Variants in CDH10 observed in about 807,000 individuals in gnomAD.
CDH10 encodes cadherin-10.
A neutral mutation model predicts 73.1 loss-of-function variants in CDH10; 30 were observed. That is an observed-to-expected ratio of 0.41 (90% CI 0.31 to 0.56). The LOEUF is 0.56. Ranked by LOEUF, CDH10 falls within the 20% of genes least tolerant of loss-of-function variation. The probability of loss-of-function intolerance (pLI) is 0.27; values close to 1 mark genes in which losing one functional copy is unlikely to be tolerated. For missense variants in CDH10, 815 were observed against 973.7 expected, an observed-to-expected ratio of 0.84 and a Z score of 2.17; for synonymous variants, 345 against 348.2, an observed-to-expected ratio of 0.99 and a Z score of 0.10.
chr5:24,489,764 A>C (rs1180773644), intron 11 of CDH10, among the ~76,000 whole-genome samples: 1 of 152,092 alleles, frequency 6.6e-6, no homozygotes, highest in Non-Finnish European at 1.5e-5. Context: ...TGACTATAAA[A>C]TGAATTATCA....
chr5:24,624,497 T>C (rs1251208152), intron 1 of CDH10, among the ~76,000 whole-genome samples: 2 of 152,170 alleles, frequency 1.3e-5, no homozygotes, highest in African/African-American at 2.4e-5. Flanking sequence ...TGGTGATCTC[T>C]AGGTCCTAGA....
intron 2 of CDH10, among the ~76,000 whole-genome samples, chr5:24,577,073 AT>A (rs1251275901): frequency 3.5e-4 from 7 of 20,044 alleles, no homozygotes; most frequent in South Asian, 0.01. Context: ...CGTCAAAGTT[AT>A]TTAAAAAAAA....
chr5:24,512,781 A>C (rs904290614), intron 5 of CDH10, among the ~76,000 whole-genome samples: 1 of 152,206 alleles, frequency 6.6e-6, no homozygotes, highest in South Asian at 2.1e-4. Context: ...CTCTGATTAT[A>C]GCACCTTCTT....
At chr5:24,521,522 G>A (rs2111816284) in intron 5 of CDH10, among the ~76,000 whole-genome samples, 1 of 152,210 alleles carries the variant, frequency 6.6e-6, no homozygotes, top group Non-Finnish European at 1.5e-5. Context: ...GAGGAGAAGA[G>A]AATCGCTTGA....
intron 1 of CDH10, among the ~76,000 whole-genome samples, chr5:24,616,413 G>A (rs982408981): frequency 1.3e-5 from 2 of 152,070 alleles, no homozygotes; most frequent in Non-Finnish European, 2.9e-5. Flanking sequence ...TTCTACACTT[G>A]GGGGTCGGAT....
At chr5:24,604,173 A>AC (rs1412552373) in intron 1 of CDH10, among the ~76,000 whole-genome samples, 3 of 152,002 alleles carry the variant, frequency 2.0e-5, no homozygotes, top group Admixed American at 1.3e-4. Flanking sequence ...ACATAGTGAG[A>AC]CCCCATATCT....
intron 1 of CDH10, among the ~76,000 whole-genome samples, chr5:24,594,422 A>G (rs1005769103): frequency 6.7e-6 from 1 of 148,300 alleles, no homozygotes; most frequent in Non-Finnish European, 1.5e-5. Context: ...AATTTAAGTC[A>G]GATCATGTCA....
chr5:24,525,322 A>G (rs1743490512), intron 5 of CDH10, among the ~76,000 whole-genome samples: 1 of 152,098 alleles, frequency 6.6e-6, no homozygotes, highest in Non-Finnish European at 1.5e-5. Flanking sequence ...TCCAGAGTTG[A>G]GATGAAAAAG....
intron 8 of CDH10, chr5:24,499,277 T>C (rs1343649819): frequency 6.6e-6 from 1 of 152,664 alleles, no homozygotes; most frequent in African/African-American, 2.4e-5. Context: ...TAGCTCAATT[T>C]TGCATTACAA....
intron 1 of CDH10, among the ~76,000 whole-genome samples, chr5:24,607,072 C>T (rs998243171): frequency 6.6e-6 from 1 of 152,066 alleles, no homozygotes; most frequent in African/African-American, 2.4e-5. Context: ...CTCAGCTTGG[C>T]CTGGACACCC....
At chr5:24,619,459 C>T (rs1366063065) in intron 1 of CDH10, among the ~76,000 whole-genome samples, 1 of 152,140 alleles carries the variant, frequency 6.6e-6, no homozygotes, top group African/African-American at 2.4e-5. Flanking sequence ...TCACAAAGTG[C>T]TGGGATTACA....
chr5:24,608,611 A>G (rs765538407), intron 1 of CDH10, among the ~76,000 whole-genome samples: 29 of 152,264 alleles, frequency 1.9e-4, no homozygotes, highest in Non-Finnish European at 3.5e-4. Context: ...ATGTTTTAAC[A>G]AAAGGTTTCA....
chr5:24,507,866 C>A (rs1457741155), intron 7 of CDH10, among the ~76,000 whole-genome samples: 1 of 152,096 alleles, frequency 6.6e-6, no homozygotes, highest in African/African-American at 2.4e-5. Flanking sequence ...CAGGTTTCTT[C>A]TGCCAATATG....
At chr5:24,620,768 A>C (rs1747289499) in intron 1 of CDH10, among the ~76,000 whole-genome samples, 1 of 152,130 alleles carries the variant, frequency 6.6e-6, no homozygotes, top group Non-Finnish European at 1.5e-5. Flanking sequence ...TGTTTTGTTA[A>C]GCGGTGCCCA....
chr5:24,514,798 TTAA>T (rs1462667570), intron 5 of CDH10, among the ~76,000 whole-genome samples: 3 of 152,148 alleles, frequency 2.0e-5, no homozygotes, highest in Non-Finnish European at 2.9e-5. Flanking sequence ...TTTTTTTCAA[TTAA>T]TGAGTTTTCA....
At chr5:24,563,805 A>T (rs1745061130) in intron 2 of CDH10, among the ~76,000 whole-genome samples, 1 of 150,574 alleles carries the variant, frequency 6.6e-6, no homozygotes, top group South Asian at 2.1e-4. Context: ...AAAAAGAGAA[A>T]AAAACTATGT....
At chr5:24,548,605 G>A (rs1744431780) in intron 2 of CDH10, among the ~76,000 whole-genome samples, 1 of 150,164 alleles carries the variant, frequency 6.7e-6, no homozygotes, top group South Asian at 2.1e-4. Flanking sequence ...TAAATGTTAA[G>A]CAGATCTAAA....
intron 5 of CDH10, among the ~76,000 whole-genome samples, chr5:24,519,472 T>C (rs1464318214): frequency 2.0e-5 from 3 of 152,006 alleles, no homozygotes; most frequent in Non-Finnish European, 4.4e-5. Flanking sequence ...TCAGCACACA[T>C]ACTTACAAAT....
chr5:24,616,641 G>C (rs1262775477), intron 1 of CDH10, among the ~76,000 whole-genome samples: 3 of 151,752 alleles, frequency 2.0e-5, no homozygotes, highest in African/African-American at 4.8e-5. Context: ...GTGAGTACTT[G>C]GACATGAGGC....
Sources: allele counts gnomAD v4.1 joint callset (sites outside exome capture counted in the v4.1 genomes callset), GRCh38; gene constraint gnomAD v4.1.1; transcripts MANE v1.5; gene names NCBI Gene and HGNC (gene_info 2026-07-23, HGNC 2026-07-21).